Variants in ABCB1 observed in about 807,000 individuals in gnomAD.
ABCB1 encodes the protein ATP-dependent translocase ABCB1.
A neutral mutation model predicts 142.0 loss-of-function variants in ABCB1; 69 were observed. The observed-to-expected ratio is 0.49, with a 90% CI of 0.40 to 0.59. ABCB1 has a LOEUF of 0.59. Ranked by LOEUF, ABCB1 falls within the 20% of genes least tolerant of loss-of-function variation. ABCB1 has a pLI of 0.00. For missense variants in ABCB1, 1,326 were observed against 1,554.7 expected (o/e 0.85, Z 2.47); for synonymous variants, 532 against 539.2 (o/e 0.99, Z 0.18).
intron 4 of ABCB1, among the ~76,000 whole-genome samples, chr7:87,574,307 C>T (rs1365552823): frequency 1.3e-5 from 2 of 152,218 alleles, no homozygotes; most frequent in African/African-American, 4.8e-5. Context: ...AACACTTGGC[C>T]TTCTCACTCA....
chr7:87,527,568 G>C (rs369205605), intron 21 of ABCB1, among the ~76,000 whole-genome samples: 2 of 152,020 alleles, frequency 1.3e-5, no homozygotes, highest in African/African-American at 4.8e-5. Context: ...TGCTTGTTGG[G>C]AGCACTTCCA....
chr7:87,634,765 C>T (rs1214959254), intron 1 of ABCB1, among the ~76,000 whole-genome samples: 17 of 152,100 alleles, frequency 1.1e-4, no homozygotes, highest in Non-Finnish European at 7.4e-5. Flanking sequence ...TTGGCTAAAA[C>T]TCTTTCAGTC....
intron 8 of ABCB1, among the ~76,000 whole-genome samples, chr7:87,556,702 C>G (rs11772987): frequency 0.13 from 19,497 of 152,142 alleles, 1,330 homozygotes; most frequent in African/African-American, 0.16. Flanking sequence ...CCTTTGACTT[C>G]TCGCATCCAT....
At chr7:87,583,337 T>C (rs1386622552) in intron 4 of ABCB1, among the ~76,000 whole-genome samples, 1 of 152,122 alleles carries the variant, frequency 6.6e-6, no homozygotes, top group Non-Finnish European at 1.5e-5. Flanking sequence ...AAGGGTGTGG[T>C]TTTTGAGCCA....
At chr7:87,689,475 C>T (rs1827810125) in intron 1 of ABCB1, among the ~76,000 whole-genome samples, 1 of 152,010 alleles carries the variant, frequency 6.6e-6, no homozygotes, top group South Asian at 2.1e-4. Context: ...CATAATTCAA[C>T]AATTTTGCTT....
intron 1 of ABCB1, among the ~76,000 whole-genome samples, chr7:87,609,469 C>G (rs1185066934): frequency 6.6e-6 from 1 of 152,096 alleles, no homozygotes; most frequent in Non-Finnish European, 1.5e-5. Flanking sequence ...ACCAAAAACA[C>G]ACATTCAGCT....
intron 1 of ABCB1, among the ~76,000 whole-genome samples, chr7:87,626,023 TAG>T (rs201541879): frequency 0.01 from 1,173 of 114,484 alleles, 19 homozygotes; most frequent in African/African-American, 0.038. Context: ...TATATATATA[TAG>T]AGAGAGAGAG....
intron 23 of ABCB1, chr7:87,519,065 G>C (rs990876800): frequency 4.0e-5 from 21 of 519,812 alleles, no homozygotes; most frequent in African/African-American, 3.1e-4. Context: ...CAAAATCTCC[G>C]AATGGAATCA....
intron 1 of ABCB1, among the ~76,000 whole-genome samples, chr7:87,628,029 G>C (rs1213455530): frequency 1.3e-5 from 2 of 152,236 alleles, no homozygotes; most frequent in Non-Finnish European, 2.9e-5. Context: ...CCCAAGGTCG[G>C]GTGTGGGAGC....
At chr7:87,688,636 T>C (rs1021647551) in intron 1 of ABCB1, among the ~76,000 whole-genome samples, 1 of 151,964 alleles carries the variant, frequency 6.6e-6, no homozygotes, top group Admixed American at 6.6e-5. Context: ...TGGTAGTTTG[T>C]TATTTTGTAC....
intron 4 of ABCB1, among the ~76,000 whole-genome samples, chr7:87,583,223 T>A (rs1052140299): frequency 5.3e-5 from 8 of 152,186 alleles, no homozygotes; most frequent in Non-Finnish European, 1.0e-4. Flanking sequence ...AATGAATGAA[T>A]CCACTTAAAT....
intron 3 of ABCB1, among the ~76,000 whole-genome samples, chr7:87,586,888 T>C (rs1184585210): frequency 2.3e-5 from 2 of 86,826 alleles, no homozygotes; most frequent in Non-Finnish European, 2.6e-5. Context: ...AATTAAGATA[T>C]GGTGTGTAAA....
chr7:87,657,130 T>C (rs7810499), intron 1 of ABCB1, among the ~76,000 whole-genome samples: 7,601 of 152,156 alleles, frequency 0.05, 215 homozygotes, highest in Non-Finnish European at 0.058. Flanking sequence ...AAGAAGACTC[T>C]GAAAGGTAGC....
In ABCB1 at chr7:87,651,768, G is replaced by A. The variant is rs79025582; in HGVS notation, c.-330-50690C>T. Among the ~76,000 whole-genome samples, 433 of 152,182 alleles carry A rather than the reference G, an allele frequency of 2.8e-3. 6 individuals are homozygous for A. The East Asian group carries it at 0.049, about 17-fold the overall frequency. ...ACTTTTTGATGCTGAAAGCATCCAG[G>A]TTTTAATATAAGTGTTTAAATGAGT... is the stretch of plus-strand genomic sequence containing the variant. On this transcript the variant is annotated intron_variant, in intron 1 of 28. Coordinates refer to the ABCB1 transcript ENST00000265724.
At chr7:87,552,375 G>A (rs1289138353) in intron 9 of ABCB1, among the ~76,000 whole-genome samples, 2 of 152,110 alleles carry the variant, frequency 1.3e-5, no homozygotes, top group African/African-American at 2.4e-5. Context: ...GAAAGTTAGG[G>A]TTCATTCCTG....
In ABCB1 at chr7:87,516,549, G is replaced by T. The variant is rs145774816; in HGVS notation, c.3044C>A (p.Thr1015Asn). Reference sequence around the variant, plus strand: ...CGTGCTGTAGCTGTCAATCAAAGGGGTTTTTTCAATGATCATGATGATGTG... The same window carrying T: ...CGTGCTGTAGCTGTCAATCAAAGGGTTTTTTTCAATGATCATGATGATGTG... Reference protein sequence around the residue: ...AAHIIMIIEKTPLIDSYSTEG... With the variant: ...AAHIIMIIEKNPLIDSYSTEG... Residue 1015 changes from threonine to asparagine, a missense_variant, in exon 24 of 28, where the codon ACC (threonine) becomes AAC (asparagine). Thr to Asn is a moderately conservative substitution (Grantham distance 65). Transcript: ENST00000622132. 4.3e-5 allele frequency: 70 copies of T among 1,614,138 alleles called. No homozygotes were observed. The African/African-American group carries it at 8.7e-4, about 20-fold the overall frequency.
intron 1 of ABCB1, among the ~76,000 whole-genome samples, chr7:87,648,190 A>C (rs373948306): frequency 2.0e-5 from 3 of 151,406 alleles, no homozygotes; most frequent in East Asian, 3.9e-4. Context: ...GTCTCAAAAA[A>C]AAAAAAAAAA....
intron 2 of ABCB1, among the ~76,000 whole-genome samples, chr7:87,596,528 T>C (rs1235180650): frequency 1.3e-5 from 2 of 152,106 alleles, no homozygotes; most frequent in African/African-American, 4.8e-5. Flanking sequence ...TCTAACTCTG[T>C]AGCCCATTTT....
chr7:87,658,117 T>G (rs1824303866), intron 1 of ABCB1, among the ~76,000 whole-genome samples: 1 of 152,130 alleles, frequency 6.6e-6, no homozygotes. Flanking sequence ...TGACAAAGAT[T>G]TTAAAGCATC....
Sources: allele counts gnomAD v4.1 joint callset (sites outside exome capture counted in the v4.1 genomes callset), GRCh38; gene constraint gnomAD v4.1.1; transcripts MANE v1.5; gene names NCBI Gene and HGNC (gene_info 2026-07-23, HGNC 2026-07-21).